PRRX1: variants seen among roughly 807,000 people sequenced by gnomAD.
PRRX1 encodes the protein paired mesoderm homeobox protein 1.
In PRRX1, 8 loss-of-function variants were observed where a neutral mutation model predicts 24.0. The observed-to-expected ratio is 0.33, with a 90% CI of 0.20 to 0.60. The LOEUF is 0.60. PRRX1 is among the 20% of genes least tolerant of loss of function. The pLI, the probability that PRRX1 is intolerant of heterozygous loss-of-function variation, is 0.82. For missense variants in PRRX1, 281 were observed against 322.4 expected, an observed-to-expected ratio of 0.87 and a Z score of 0.98; for synonymous variants, 160 against 131.7, an observed-to-expected ratio of 1.22 and a Z score of -1.47.
chr1:170,677,817 C>T (rs1653373281), intron 1 of PRRX1, among the ~76,000 whole-genome samples: 1 of 152,080 alleles, frequency 6.6e-6, no homozygotes, highest in African/African-American at 2.4e-5. Context: ...TTGGATGGCA[C>T]CAATATTAAA....
chr1:170,672,887 C>T (rs896430280), intron 1 of PRRX1, among the ~76,000 whole-genome samples: 1 of 152,176 alleles, frequency 6.6e-6, no homozygotes, highest in African/African-American at 2.4e-5. Context: ...TCCTTGTCTA[C>T]TCCCCTTTCT....
intron 2 of PRRX1, among the ~76,000 whole-genome samples, chr1:170,721,484 C>A (rs1408934461): frequency 1.3e-5 from 2 of 152,108 alleles, no homozygotes. Flanking sequence ...TGCAGAGATC[C>A]TAGTGCTCCC....
chr1:170,666,271 AG>A (rs1652924201), intron 1 of PRRX1, among the ~76,000 whole-genome samples: 1 of 151,914 alleles, frequency 6.6e-6, no homozygotes, highest in East Asian at 1.9e-4. Context: ...TACAAAAATT[AG>A]CCGGGCGTAG....
In PRRX1 at chr1:170,736,149, A is replaced by G. The variant is rs765524769; in HGVS notation, c.701A>G (p.Tyr234Cys). 4.3e-6 allele frequency: 7 copies of G among 1,614,104 alleles called. No homozygotes were observed. The Admixed American group carries it at 1.0e-4, about 23-fold the overall frequency. Residue 234 changes from tyrosine to cysteine, a missense_variant, in exon 4 of 4, where the codon TAT becomes TGT. Tyr to Cys is a radical substitution (Grantham distance 194, BLOSUM62 -2). Transcript: ENST00000239461. Reference sequence around the variant, plus strand: ...AACCTGAGACTGAAGGCCAAGGAATATAGTTTACAGAGGAACCAGGTGCCA... The same window carrying G: ...AACCTGAGACTGAAGGCCAAGGAATGTAGTTTACAGAGGAACCAGGTGCCA... ...IANLRLKAKE[Y>C]SLQRNQVPTV...
In PRRX1 at chr1:170,738,536, G is replaced by A. The variant is rs183965225; in HGVS notation, c.*2350G>A. 6.1e-5 allele frequency: 14 copies of A among 228,592 alleles called. No individual in the cohort carries two copies. The highest frequency in any genetic ancestry group is 1.3e-3 in the Middle Eastern group (1 of 760). 14.2% of individuals were successfully genotyped at this position (228,592 alleles called of 1,614,324 possible). A position where few individuals can be genotyped will look rare whatever the true frequency, so the allele number is the denominator to read the frequency against. ...TCCATTTGTCCCATTAGTTGCTGTG[G>A]ATTATCAAGTTTTGAAGGAACTGTA... On this transcript the variant is annotated 3_prime_UTR_variant, in exon 4 of 4. Transcript: ENST00000239461.
At chr1:170,673,683 G>A (rs149938090) in intron 1 of PRRX1, among the ~76,000 whole-genome samples, 85 of 152,206 alleles carry the variant, frequency 5.6e-4, no homozygotes, top group African/African-American at 2.0e-3. Flanking sequence ...TGGAACTAAC[G>A]AACTTTCTTT....
At chr1:170,726,139 C>T (rs1373737318) in intron 2 of PRRX1, 81 bp from the exon 3 acceptor site, 2 of 1,361,896 alleles carry the variant, frequency 1.5e-6, no homozygotes, top group Non-Finnish European at 2.1e-6. Context: ...TAAAATCAAG[C>T]AGAATTTCAT....
At chr1:170,713,645 A>G (rs770558439) in intron 1 of PRRX1, among the ~76,000 whole-genome samples, 30 of 152,228 alleles carry the variant, frequency 2.0e-4, no homozygotes, top group Non-Finnish European at 3.8e-4. Context: ...ACACAGAGCC[A>G]CTGACTCATC....
At chr1:170,685,169 G>C (rs1290298005) in intron 1 of PRRX1, among the ~76,000 whole-genome samples, 3 of 152,160 alleles carry the variant, frequency 2.0e-5, no homozygotes, top group Non-Finnish European at 4.4e-5. Flanking sequence ...TCTTCTTTGA[G>C]CTTTCACTAA....
chr1:170,735,682 C>A (rs1291806254), intron 3 of PRRX1, among the ~76,000 whole-genome samples: 2 of 152,118 alleles, frequency 1.3e-5, no homozygotes, highest in Non-Finnish European at 2.9e-5. Context: ...GGGAGGTAGG[C>A]AGGACAAGAG....
At chr1:170,695,880 C>A (rs1013966131) in intron 1 of PRRX1, among the ~76,000 whole-genome samples, 1 of 152,020 alleles carries the variant, frequency 6.6e-6, no homozygotes, top group African/African-American at 2.4e-5. Context: ...TTTGATGGAA[C>A]CTTTATTGAA....
intron 1 of PRRX1, among the ~76,000 whole-genome samples, chr1:170,677,478 C>T (rs1366278485): frequency 2.6e-5 from 4 of 152,228 alleles, no homozygotes; most frequent in African/African-American, 9.6e-5. Context: ...CCCACAGCAT[C>T]TCTGACTAGT....
Position 170,693,486 on chromosome 1 carries a change from G to A in PRRX1, c.242-26240G>A, listed in dbSNP as rs534121562. The stretch of plus-strand genomic sequence containing the variant: ...TGGCAGTACAGCCTTTCTTATGAAG[G>A]GTACCAGGAAAGAACAACAGTTGAC... On this transcript the variant is annotated intron_variant, in intron 1 of 3. Coordinates refer to ENST00000239461, the MANE Select transcript of PRRX1 (RefSeq NM_022716.4). Among the ~76,000 whole-genome samples the A allele has an allele frequency of 2.8e-3, 432 of 152,084 alleles. 1 individual carries two copies. The highest frequency in any genetic ancestry group is 0.01 in the African/African-American group (416 of 41,510).
At chr1:170,714,529 G>A (rs1024814562) in intron 1 of PRRX1, among the ~76,000 whole-genome samples, 14 of 151,052 alleles carry the variant, frequency 9.3e-5, no homozygotes, top group South Asian at 2.1e-4. Flanking sequence ...CATAGGAAAC[G>A]CATTTTTCTT....
chr1:170,704,864 AAACT>A (rs1216650247), intron 1 of PRRX1, among the ~76,000 whole-genome samples: 1 of 152,214 alleles, frequency 6.6e-6, no homozygotes. Flanking sequence ...TCTTGGGATC[AAACT>A]AACAGGCCTA....
At chr1:170,692,717 T>C (rs1284776096) in intron 1 of PRRX1, among the ~76,000 whole-genome samples, 1 of 112,346 alleles carries the variant, frequency 8.9e-6, no homozygotes, top group Non-Finnish European at 1.9e-5. Context: ...ACAAATCCTC[T>C]CTCTCTCTCT....
chr1:170,715,155 T>G (rs1467756304), intron 1 of PRRX1, among the ~76,000 whole-genome samples: 1 of 152,136 alleles, frequency 6.6e-6, no homozygotes, highest in East Asian at 1.9e-4. Flanking sequence ...TGCAAAAGAA[T>G]TTTTCCTCTG....
At chr1:170,685,286 C>T (rs9426909) in intron 1 of PRRX1, among the ~76,000 whole-genome samples, 7,269 of 152,150 alleles carry the variant, frequency 0.048, 241 homozygotes, top group Middle Eastern at 0.12. Context: ...CACCTCCTGA[C>T]GCAGGAGGAC....
At chr1:170,698,229 G>A (rs1455712675) in intron 1 of PRRX1, among the ~76,000 whole-genome samples, 2 of 152,044 alleles carry the variant, frequency 1.3e-5, no homozygotes, top group African/African-American at 4.8e-5. Context: ...AACTTAACTG[G>A]CAACAAGGTG....
Sources: gnomAD v4.1 joint callset for allele counts (sites outside exome capture counted in the v4.1 genomes callset) on GRCh38, gnomAD v4.1.1 for gene constraint, MANE v1.5 for transcripts, NCBI Gene and HGNC (gene_info 2026-07-23, HGNC 2026-07-21) for gene names.